TECTA: variants seen among roughly 807,000 people sequenced by gnomAD.
TECTA encodes alpha-tectorin.
TECTA carries 128 observed loss-of-function variants against 216.8 expected under a neutral mutation model. The ratio of observed to expected loss-of-function variants is 0.59; its 90% CI spans 0.51 to 0.68. The LOEUF (loss-of-function observed/expected upper bound fraction) is 0.68, where lower values mean the gene tolerates loss of function less well. TECTA is among the 30% of genes least tolerant of loss of function. The pLI, the probability that TECTA is intolerant of heterozygous loss-of-function variation, is 0.00. For missense variants in TECTA, 2,551 were observed against 2,786.2 expected (o/e 0.92, Z 1.90); for synonymous variants, 1,089 against 1,117.1 (o/e 0.97, Z 0.50).
At chr11:121,153,472 GCTGT>G (rs1461854955) in intron 13 of TECTA, among the ~76,000 whole-genome samples, 2 of 152,170 alleles carry the variant, frequency 1.3e-5, no homozygotes, top group African/African-American at 4.8e-5. Flanking sequence ...GATATTTGTA[GCTGT>G]CTTAGCTAAG....
chr11:121,158,790 C>T (rs1946970134), intron 14 of TECTA, among the ~76,000 whole-genome samples: 1 of 152,174 alleles, frequency 6.6e-6, no homozygotes, highest in Non-Finnish European at 1.5e-5. Flanking sequence ...TTGGCTCCTC[C>T]TTAGGCCCAT....
chr11:121,151,124 A>G (rs1462448530), intron 12 of TECTA, among the ~76,000 whole-genome samples: 3 of 152,250 alleles, frequency 2.0e-5, no homozygotes, highest in Non-Finnish European at 2.9e-5. Flanking sequence ...GAGATGGCAC[A>G]TATCGCATTT....
intron 11 of TECTA, 50 bp downstream of exon 11, chr11:121,138,072 A>T (rs1318678438): frequency 1.2e-6 from 2 of 1,610,888 alleles, no homozygotes; most frequent in Admixed American, 1.7e-5. Flanking sequence ...AGACGTCAGG[A>T]TGGGGTCGGC....
Position 121,118,362 on chromosome 11 carries a change from T to C in TECTA, c.847T>C (p.Cys283Arg). ...FWDDLNCTVKCRCLDFNNEIY... is the reference protein window; with the variant it reads ...FWDDLNCTVKRRCLDFNNEIY... ...GGATGACTTGAACTGCACCGTCAAG[T>C]GCCGCTGTCTGGATTTCAACAATGA... The change falls in exon 7 of 24, where the codon TGC becomes CGC. Residue 283 changes from cysteine to arginine, a missense_variant. By Grantham distance (180) the Cys-to-Arg change is radical. Transcript: ENST00000392793. 6.2e-7 allele frequency: 1 copy of C among 1,614,170 alleles called. No homozygotes were observed. Among genetic ancestry groups the C allele is most frequent in the Non-Finnish European group, 8.5e-7 (1 of 1,180,034 alleles).
Position 121,190,966 on chromosome 11 carries a change from C to A in TECTA, c.*160C>A. 1 of 606,658 alleles carries A rather than the reference C, an allele frequency of 1.6e-6. No individual in the cohort carries two copies. Among genetic ancestry groups the A allele is most frequent in the South Asian group, 1.7e-5 (1 of 57,244 alleles). 37.6% of individuals were successfully genotyped at this position (606,658 alleles called of 1,614,324 possible). A position where few individuals can be genotyped will look rare whatever the true frequency, so the allele number is the denominator to read the frequency against. On this transcript the variant is annotated 3_prime_UTR_variant, in exon 24 of 24. Transcript: ENST00000392793. ...GGTCCAAGGTCCAGAAACCAGCGAC[C>A]ATCCAAGCTCCTCTTTCAGAGTATG...
At position 121,101,407 on chromosome 11, in the gene TECTA, A is replaced by G. The variant is rs1262811995; in HGVS notation, c.-37A>G. 3 of 152,196 alleles carry G rather than the reference A, an allele frequency of 2.0e-5. No homozygotes were observed. 9.4% of individuals were successfully genotyped at this position (152,196 alleles called of 1,614,324 possible). A position where few individuals can be genotyped will look rare whatever the true frequency, so the allele number is the denominator to read the frequency against. ...CTGGCTTACCAAGATTTGGCTTAAT[A>G]TTTCTGACTCAGTTCCTCCAGCCTC... On this transcript the variant is annotated 5_prime_UTR_variant, in exon 1 of 24. In the 5' UTR this introduces an upstream ATG that the reference lacks. Coordinates refer to ENST00000392793, the MANE Select transcript of TECTA (RefSeq NM_005422.4).
rs138914618 is a variant in TECTA at position 121,127,789 on chromosome 11, C to T, written c.1812C>T (p.Ser604=). 531 of 1,614,186 alleles carry T rather than the reference C, an allele frequency of 3.3e-4. 2 individuals carry two copies. In the African/African-American group the frequency reaches 6.1e-3, roughly 19 times the overall value. Residue 604 remains serine, a synonymous_variant, in exon 9 of 24, where the codon TCC becomes TCT. Transcript: ENST00000392793. The surrounding 1 kb of genome is among the most constrained non-coding windows in gnomAD (Gnocchi z 5.0). ...TVQCPSFSHY[S]VCTSSCPDTC... is the part of the protein sequence containing the mutation. Reference sequence around the variant, plus strand: ...AGTGCCCGAGCTTCAGCCACTACTCCGTGTGCACAAGCAGCTGCCCCGACA... The same window carrying T: ...AGTGCCCGAGCTTCAGCCACTACTCTGTGTGCACAAGCAGCTGCCCCGACA...
chr11:121,119,983 C>T (rs2135069828), intron 7 of TECTA, among the ~76,000 whole-genome samples: 1 of 152,264 alleles, frequency 6.6e-6, no homozygotes, highest in South Asian at 2.1e-4. Context: ...TGCTGTTGAG[C>T]ACTATACTTA....
chr11:121,131,736 TTTCA>T (rs1946676848), intron 10 of TECTA, among the ~76,000 whole-genome samples: 1 of 152,250 alleles, frequency 6.6e-6, no homozygotes. Flanking sequence ...AGTCTTTGAC[TTTCA>T]TTGTCTTAGC....
At chr11:121,102,767 A>G (rs773805206) in intron 2 of TECTA, 38 bp downstream of exon 2, 5 of 1,560,480 alleles carry the variant, frequency 3.2e-6, no homozygotes, top group Middle Eastern at 1.7e-4. Flanking sequence ...CTCAGTTAGC[A>G]TGCTCTTGAA....
At chr11:121,149,044 G>C (rs554569021) in intron 12 of TECTA, among the ~76,000 whole-genome samples, 2 of 152,354 alleles carry the variant, frequency 1.3e-5, no homozygotes, top group Admixed American at 1.3e-4. Flanking sequence ...TATGTGCCAG[G>C]TTCTAAGTGG....
intron 11 of TECTA, among the ~76,000 whole-genome samples, chr11:121,140,421 G>T (rs1041686775): frequency 6.6e-6 from 1 of 152,196 alleles, no homozygotes; most frequent in African/African-American, 2.4e-5. Context: ...AATCTCACGA[G>T]ATGCACTTAT....
At chr11:121,165,639 G>T (rs949508318) in intron 17 of TECTA, among the ~76,000 whole-genome samples, 17 of 152,130 alleles carry the variant, frequency 1.1e-4, no homozygotes, top group African/African-American at 4.1e-4. Context: ...ACATCAGAAA[G>T]GTCCAAATTG....
intron 7 of TECTA, among the ~76,000 whole-genome samples, chr11:121,122,693 AG>A (rs869222267): frequency 0.13 from 7,539 of 57,454 alleles, 565 homozygotes; most frequent in African/African-American, 0.23. Flanking sequence ...AAAAAAAAAA[AG>A]AAAGCCAAAA....
In TECTA at chr11:121,130,024, C is replaced by T. The variant is rs1946657280; in HGVS notation, c.2754C>T (p.Pro918=). 6.2e-7 allele frequency: 1 copy of T among 1,611,542 alleles called. No individual in the cohort carries two copies. The highest frequency in any genetic ancestry group is 1.1e-5 in the South Asian group (1 of 90,914). ...SRSRCGIIND[P]SNSSFLECHG... ...CCAGGTGCGGCATCATCAACGACCC[C>T]TCCAACAGCTCCTTCCTGGAGTGCC... The change falls in exon 10 of 24, where the codon CCC becomes CCT. Residue 918 remains proline, a synonymous_variant. Coordinates refer to ENST00000392793, the MANE Select transcript of TECTA (RefSeq NM_005422.4).
intron 20 of TECTA, among the ~76,000 whole-genome samples, chr11:121,180,367 T>C (rs144928320): frequency 6.6e-6 from 1 of 152,362 alleles, no homozygotes; most frequent in East Asian, 1.9e-4. Flanking sequence ...TTCTTCATTT[T>C]TGAAGGATAG....
intron 10 of TECTA, among the ~76,000 whole-genome samples, chr11:121,131,026 A>C (rs146445969): frequency 0.012 from 1,783 of 151,346 alleles, 33 homozygotes; most frequent in African/African-American, 0.041. Context: ...CATCCTGGCT[A>C]ACATGGGGAA....
intron 13 of TECTA, among the ~76,000 whole-genome samples, chr11:121,154,269 TA>T (rs1348400607): frequency 6.6e-6 from 1 of 152,154 alleles, no homozygotes; most frequent in African/African-American, 2.4e-5. Context: ...CGGGGATAAA[TA>T]AAAGAAATGT....
intron 20 of TECTA, among the ~76,000 whole-genome samples, chr11:121,177,055 T>G (rs1947174746): frequency 6.6e-6 from 1 of 152,218 alleles, no homozygotes; most frequent in African/African-American, 2.4e-5. Context: ...TCTGTATTGG[T>G]TATTCTAGTT....
Sources: allele counts gnomAD v4.1 joint callset (sites outside exome capture counted in the v4.1 genomes callset), GRCh38; gene constraint gnomAD v4.1.1; non-coding constraint Gnocchi (gnomAD v3.1); transcripts MANE v1.5; gene names NCBI Gene and HGNC (gene_info 2026-07-23, HGNC 2026-07-21).